Variants in NTF3 observed in about 807,000 individuals in gnomAD.
NTF3 encodes the protein neurotrophin 3.
A neutral mutation model predicts 26.3 loss-of-function variants in NTF3; 8 were observed. That is an observed-to-expected ratio of 0.30 (90% confidence interval 0.18 to 0.55). NTF3 has a LOEUF of 0.55. Ranked by LOEUF, NTF3 falls within the 20% of genes least tolerant of loss-of-function variation. NTF3 has a pLI of 0.93. For synonymous variants in NTF3, 154 were observed against 145.5 expected (o/e 1.06, Z -0.42); for missense variants, 276 against 352.9 (o/e 0.78, Z 1.75).
chr12:5,488,834 C>T (rs934210741), intron 1 of NTF3, among the ~76,000 whole-genome samples: 2 of 152,186 alleles, frequency 1.3e-5, no homozygotes, highest in African/African-American at 4.8e-5. Context: ...AGCTGGCCAG[C>T]GTCCTCTTTG....
In NTF3 at chr12:5,456,446, C is replaced by T. The variant is rs567901359; in HGVS notation, c.18+24104C>T. On this transcript the variant is annotated intron_variant, in intron 1 of 1. Transcript: ENST00000423158. This position sits in a 1 kb window ranked among gnomAD's most constrained non-coding sequence, Gnocchi z 4.4. The stretch of plus-strand genomic sequence containing the variant: ...TGTACCCCTCAGACCCAGTTGGAAC[C>T]CAGCCAAGAGTACTTAATCCATCCC... Among the ~76,000 whole-genome samples, 1 of 152,128 alleles carries T rather than the reference C, an allele frequency of 6.6e-6. No individual in the cohort carries two copies. Among genetic ancestry groups the T allele is most frequent in the Non-Finnish European group, 1.5e-5 (1 of 68,012 alleles).
chr12:5,493,875 G>T (rs1447434216), intron 1 of NTF3, among the ~76,000 whole-genome samples: 2 of 152,160 alleles, frequency 1.3e-5, no homozygotes, highest in Admixed American at 6.5e-5. Context: ...GTCTTTGCAG[G>T]CTCAAGGGAT....
intron 1 of NTF3, among the ~76,000 whole-genome samples, chr12:5,434,439 A>G (rs887473576): frequency 2.7e-5 from 4 of 149,082 alleles, no homozygotes; most frequent in Non-Finnish European, 5.9e-5. Flanking sequence ...CCATTGAGTG[A>G]GTGGTCAGGG....
intron 1 of NTF3, among the ~76,000 whole-genome samples, chr12:5,473,206 A>T (rs773838732): frequency 6.6e-6 from 1 of 152,088 alleles, no homozygotes; most frequent in Non-Finnish European, 1.5e-5. Context: ...CCCTCCTCAG[A>T]TCCTTGTACA....
chr12:5,484,842 C>A lies in NTF3; in HGVS notation c.19-9352C>A, dbSNP rs73034484. Among the ~76,000 whole-genome samples the A allele has an allele frequency of 1.8e-3, 268 of 152,250 alleles. 1 individual carries two copies. Among genetic ancestry groups the A allele is most frequent in the African/African-American group, 6.0e-3 (251 of 41,534 alleles). On this transcript the variant is annotated intron_variant, in intron 1 of 1. Transcript: ENST00000423158. ...GGAGAAACACTGCTCAGGAACTGAG[C>A]CCCCAAGATGCACAGTGATTCTCCC...
chr12:5,452,628 A>C (rs1412790200), intron 1 of NTF3, among the ~76,000 whole-genome samples: 1 of 152,174 alleles, frequency 6.6e-6, no homozygotes, highest in Non-Finnish European at 1.5e-5. Flanking sequence ...ATTTTAAAGA[A>C]AGATGGTTAT....
At chr12:5,448,421 A>G (rs1940332958) in intron 1 of NTF3, among the ~76,000 whole-genome samples, 1 of 152,054 alleles carries the variant, frequency 6.6e-6, no homozygotes, top group African/African-American at 2.4e-5. Flanking sequence ...CTTCTGTGAC[A>G]GATTCTCCGA....
intron 1 of NTF3, among the ~76,000 whole-genome samples, chr12:5,453,394 C>T (rs1940399312): frequency 6.6e-6 from 1 of 152,144 alleles, no homozygotes; most frequent in Non-Finnish European, 1.5e-5. Flanking sequence ...ATTGCTGTTT[C>T]ACAGAGTGTA....
At chr12:5,475,333 T>C (rs746859212) in intron 1 of NTF3, among the ~76,000 whole-genome samples, 2 of 151,934 alleles carry the variant, frequency 1.3e-5, no homozygotes, top group African/African-American at 2.4e-5. Flanking sequence ...AAATGAAGAA[T>C]GGTATTCTAG....
At chr12:5,451,833 G>A (rs908615876) in intron 1 of NTF3, among the ~76,000 whole-genome samples, 1 of 152,044 alleles carries the variant, frequency 6.6e-6, no homozygotes, top group Non-Finnish European at 1.5e-5. Context: ...AGTTAGGACT[G>A]CAGGCATGCA....
chr12:5,465,971 C>T (rs1565391096), intron 1 of NTF3, among the ~76,000 whole-genome samples: 2 of 152,234 alleles, frequency 1.3e-5, no homozygotes, highest in Admixed American at 6.5e-5. Context: ...ATAGGAATTG[C>T]TCAAGACCAC....
intron 1 of NTF3, among the ~76,000 whole-genome samples, chr12:5,480,125 C>T (rs7485608): frequency 0.54 from 82,250 of 152,094 alleles, 23,152 homozygotes; most frequent in Non-Finnish European, 0.63. Context: ...TTTCCTCTTT[C>T]GGGAAACCCA....
intron 1 of NTF3, among the ~76,000 whole-genome samples, chr12:5,481,252 A>C (rs982380619): frequency 4.6e-5 from 7 of 152,062 alleles, no homozygotes; most frequent in Non-Finnish European, 7.4e-5. Flanking sequence ...CCAGGGACTC[A>C]CAGTGGCCAA....
At chr12:5,446,608 G>C (rs969761783) in intron 1 of NTF3, among the ~76,000 whole-genome samples, 16 of 152,308 alleles carry the variant, frequency 1.1e-4, no homozygotes, top group East Asian at 3.9e-4. Context: ...AGGGAGTAGA[G>C]GTTCAGAGAA....
At position 5,494,289 on chromosome 12, in the gene NTF3, T is replaced by G; in HGVS notation, c.114T>G (p.Ser38Arg). Residue 38 changes from serine (S) to arginine (R), a missense_variant, in exon 2 of 2, where the codon AGT (serine) becomes AGG (arginine). By Grantham distance (110) the Ser-to-Arg change is moderately radical (BLOSUM62 -1). Coordinates refer to ENST00000423158, the MANE Select transcript of NTF3 (RefSeq NM_001102654.2). This position sits in a 1 kb window ranked among gnomAD's most constrained non-coding sequence, Gnocchi z 8.3. Reference protein sequence around the residue: ...GIQGNNMDQRSLPEDSLNSLI... With the variant: ...GIQGNNMDQRRLPEDSLNSLI... ...AAGGTAACAACATGGATCAAAGGAGTTTGCCAGAAGACTCGCTCAATTCCC... is the reference window on the plus strand; with the variant it reads ...AAGGTAACAACATGGATCAAAGGAGGTTGCCAGAAGACTCGCTCAATTCCC... 1.9e-6 allele frequency: 3 copies of G among 1,613,926 alleles called. No homozygotes were observed. Among genetic ancestry groups the G allele is most frequent in the Non-Finnish European group, 2.5e-6 (3 of 1,179,988 alleles).
At chr12:5,463,811 A>G (rs1174400145) in intron 1 of NTF3, among the ~76,000 whole-genome samples, 7 of 152,192 alleles carry the variant, frequency 4.6e-5, no homozygotes, top group African/African-American at 1.7e-4. Flanking sequence ...TGGGTTACCA[A>G]CTTGCTGTGT....
At chr12:5,488,146 C>G (rs1037070905) in intron 1 of NTF3, among the ~76,000 whole-genome samples, 3 of 152,216 alleles carry the variant, frequency 2.0e-5, no homozygotes, top group African/African-American at 7.2e-5. Flanking sequence ...CTCCTTGTAG[C>G]AATGCCAAGT....
intron 1 of NTF3, among the ~76,000 whole-genome samples, chr12:5,437,588 G>C (rs2121137929): frequency 6.6e-6 from 1 of 152,294 alleles, no homozygotes; most frequent in African/African-American, 2.4e-5. Context: ...AGTGAGAGAG[G>C]GGATGCAGGC....
At chr12:5,441,303 G>A (rs749242029) in intron 1 of NTF3, among the ~76,000 whole-genome samples, 32 of 152,172 alleles carry the variant, frequency 2.1e-4, no homozygotes, top group Non-Finnish European at 4.0e-4. Flanking sequence ...GGACAAATGC[G>A]TGGATGGAGA....
Sources: allele counts gnomAD v4.1 joint callset (sites outside exome capture counted in the v4.1 genomes callset), GRCh38; gene constraint gnomAD v4.1.1; non-coding constraint Gnocchi (gnomAD v3.1); transcripts MANE v1.5; gene names NCBI Gene and HGNC (gene_info 2026-07-23, HGNC 2026-07-21).